AKAP19: variants seen among roughly 807,000 people sequenced by gnomAD.
AKAP19 encodes the protein A-kinase anchoring protein 19.
chr2:189,887,112 G>T, the AKAP19 span, among the ~76,000 whole-genome samples: 3 of 152,018 alleles, frequency 2.0e-5, no homozygotes, highest in African/African-American at 7.3e-5. Flanking sequence ...TCTATTTTAG[G>T]TATTTCTCCT....
the AKAP19 span, among the ~76,000 whole-genome samples, chr2:190,133,044 G>C: frequency 1.3e-5 from 2 of 151,904 alleles, no homozygotes; most frequent in South Asian, 2.1e-4. Flanking sequence ...AGACCATCCT[G>C]GCTAACACAG....
the AKAP19 span, among the ~76,000 whole-genome samples, chr2:190,070,178 G>A: frequency 4.6e-5 from 7 of 152,234 alleles, no homozygotes; most frequent in Middle Eastern, 3.4e-3. Flanking sequence ...TCAATGAGCT[G>A]TTTTTGGCAA....
At chr2:190,008,744 ACACACACACACACACACACACACACACC>A in the AKAP19 span, among the ~76,000 whole-genome samples, 1 of 94,274 alleles carries the variant, frequency 1.1e-5, no homozygotes. Context: ...ACACACACAC[ACACACACACACACACACACACACACACC>A]CACCTGGTCT....
the AKAP19 span, among the ~76,000 whole-genome samples, chr2:190,032,625 G>A: frequency 8.6e-5 from 13 of 151,950 alleles, no homozygotes; most frequent in African/African-American, 2.9e-4. Context: ...AAGTGTGTTC[G>A]GTCCTGTTCC....
the AKAP19 span, among the ~76,000 whole-genome samples, chr2:189,943,155 C>T: frequency 3.3e-5 from 5 of 152,206 alleles, no homozygotes. Flanking sequence ...ACCTTCACAG[C>T]AGCCCCTCCC....
the AKAP19 span, among the ~76,000 whole-genome samples, chr2:190,184,164 T>G: frequency 2.0e-5 from 3 of 152,312 alleles, no homozygotes; most frequent in East Asian, 3.9e-4. Flanking sequence ...AGTTAAAAGT[T>G]GTGAAATTAA....
chr2:190,077,422 G>A, the AKAP19 span, among the ~76,000 whole-genome samples: 2 of 146,006 alleles, frequency 1.4e-5, no homozygotes, highest in Admixed American at 1.3e-4. Flanking sequence ...ATGTTGGCCA[G>A]GCTAAAATGT....
the AKAP19 span, among the ~76,000 whole-genome samples, chr2:189,929,568 A>G: frequency 9.9e-5 from 15 of 151,362 alleles, no homozygotes; most frequent in African/African-American, 3.4e-4. Flanking sequence ...TTTTTTTTTT[A>G]ATAGAAAAGG....
the AKAP19 span, among the ~76,000 whole-genome samples, chr2:189,910,604 C>CTT: frequency 6.6e-6 from 1 of 151,678 alleles, no homozygotes; most frequent in African/African-American, 2.4e-5. Flanking sequence ...TTCTTTTTCT[C>CTT]TCTCTCCCCC....
chr2:189,917,953 T>C, the AKAP19 span, among the ~76,000 whole-genome samples: 2 of 152,094 alleles, frequency 1.3e-5, no homozygotes, highest in Non-Finnish European at 2.9e-5. Flanking sequence ...CTTTAGTGTT[T>C]TTAAATATCT....
the AKAP19 span, among the ~76,000 whole-genome samples, chr2:190,042,395 G>A: frequency 6.6e-6 from 1 of 151,600 alleles, no homozygotes; most frequent in Non-Finnish European, 1.5e-5. Flanking sequence ...GTGTTTATTT[G>A]GATCTTCTCT....
chr2:189,935,046 G>T, the AKAP19 span, among the ~76,000 whole-genome samples: 9 of 152,116 alleles, frequency 5.9e-5, no homozygotes, highest in Admixed American at 5.2e-4. Flanking sequence ...TCTTTGAACA[G>T]CTCCTATGAC....
At chr2:190,069,857 G>C in the AKAP19 span, among the ~76,000 whole-genome samples, 4 of 152,132 alleles carry the variant, frequency 2.6e-5, no homozygotes, top group African/African-American at 4.8e-5. Context: ...AAACTTTAGG[G>C]CTATAGGATG....
the AKAP19 span, among the ~76,000 whole-genome samples, chr2:189,975,048 G>A: frequency 3.9e-5 from 6 of 152,110 alleles, no homozygotes; most frequent in Non-Finnish European, 7.4e-5. Flanking sequence ...TATTTTGCTC[G>A]TTAGTAGATG....
chr2:190,187,582 A>G, the AKAP19 span, among the ~76,000 whole-genome samples: 1 of 152,130 alleles, frequency 6.6e-6, no homozygotes, highest in African/African-American at 2.4e-5. Context: ...AGGGCTAGGC[A>G]GGCATGGTGG....
At chr2:190,193,987 TGTTTA>T in the AKAP19 span, among the ~76,000 whole-genome samples, 1 of 152,220 alleles carries the variant, frequency 6.6e-6, no homozygotes, top group Non-Finnish European at 1.5e-5. Flanking sequence ...TTTTGGCTTT[TGTTTA>T]GTTGAAACTA....
the AKAP19 span, among the ~76,000 whole-genome samples, chr2:190,184,521 A>C: frequency 6.6e-6 from 1 of 152,240 alleles, no homozygotes; most frequent in Non-Finnish European, 1.5e-5. Flanking sequence ...AAAGAAAAAA[A>C]TAACTCCTGC....
chr2:190,056,707 T>C, the AKAP19 span: 2 of 153,790 alleles, frequency 1.3e-5, no homozygotes, highest in Non-Finnish European at 1.5e-5. Flanking sequence ...TTGGCATGGA[T>C]TGTTAATGTA....
the AKAP19 span, among the ~76,000 whole-genome samples, chr2:189,907,236 C>T: frequency 5.3e-5 from 8 of 152,122 alleles, no homozygotes; most frequent in Non-Finnish European, 1.2e-4. Context: ...GGGTCCCACT[C>T]CCCAACTTTT....
Sources: gnomAD v4.1 joint callset for allele counts (sites outside exome capture counted in the v4.1 genomes callset) on GRCh38, gnomAD v4.1.1 for gene constraint, MANE v1.5 for transcripts, NCBI Gene and HGNC (gene_info 2026-07-23, HGNC 2026-07-21) for gene names.